The following IL1RAPL2 variants were observed in gnomAD, a reference collection of about 807,000 sequenced individuals.
IL1RAPL2 encodes X-linked interleukin-1 receptor accessory protein-like 2.
IL1RAPL2 carries 3 observed loss-of-function variants against 44.1 expected under a neutral mutation model. That is an observed-to-expected ratio of 0.07 (90% CI 0.03 to 0.18). IL1RAPL2 has a LOEUF of 0.18. Ranked by LOEUF, IL1RAPL2 falls within the 10% of genes least tolerant of loss-of-function variation. The pLI, the probability that IL1RAPL2 is intolerant of heterozygous loss-of-function variation, is 1.00. For missense variants in IL1RAPL2, 391 were observed against 496.4 expected, an observed-to-expected ratio of 0.79 and a Z score of 2.02; for synonymous variants, 181 against 178.8, an observed-to-expected ratio of 1.01 and a Z score of -0.10.
intron 6 of IL1RAPL2, among the ~76,000 whole-genome samples, chrX:105,706,838 C>A (rs752359284): frequency 3.5e-4 from 39 of 111,418 alleles, no homozygotes; most frequent in African/African-American, 1.1e-3. Flanking sequence ...TTGCTAACTG[C>A]AATAATTAGC....
At chrX:104,808,787 T>C (rs1932943728) in intron 2 of IL1RAPL2, among the ~76,000 whole-genome samples, 1 of 111,129 alleles carries the variant, frequency 9.0e-6, no homozygotes, top group Admixed American at 9.6e-5. Context: ...GAAGAGTAGT[T>C]TGGATTAGTT....
At chrX:105,187,160 A>G (rs2033595806) in intron 2 of IL1RAPL2, among the ~76,000 whole-genome samples, 1 of 112,221 alleles carries the variant, frequency 8.9e-6, no homozygotes, top group African/African-American at 3.2e-5. Flanking sequence ...AGAAATGCAC[A>G]TAAAAAACTT....
chrX:104,849,355 A>AATATATATATATATATATATAT lies in IL1RAPL2; in HGVS notation c.82+190372_82+190373insATATATATATATATATATATAT, dbSNP rs375364495. ...GTGAGCCACCATGCTTGAACTATAT[A>AATATATATATATATATATATAT]ATATATATATATGGATTACTTACGG... On this transcript the variant is annotated intron_variant, in intron 2 of 10. Transcript: ENST00000372582. 4.5e-4 allele frequency among the ~76,000 whole-genome samples: 31 copies of AATATATATATATATATATATAT among 68,684 alleles called. 4 individuals are homozygous for AATATATATATATATATATATAT. The highest frequency in any genetic ancestry group is 7.9e-4 in the African/African-American group (15 of 18,894). 59.6% of individuals were successfully genotyped at this position (68,684 alleles called of 115,157 possible).
chrX:104,743,419 C>T (rs1390482687), intron 2 of IL1RAPL2, among the ~76,000 whole-genome samples: 1 of 109,120 alleles, frequency 9.2e-6, no homozygotes, highest in Non-Finnish European at 1.9e-5. Flanking sequence ...GAATTTACCT[C>T]CCTGTGATTG....
chrX:105,000,331 T>C (rs889878932), intron 2 of IL1RAPL2, among the ~76,000 whole-genome samples: 1 of 111,816 alleles, frequency 8.9e-6, no homozygotes, highest in African/African-American at 3.2e-5. Context: ...TTGAGGTTAG[T>C]GACTTAACAG....
intron 5 of IL1RAPL2, among the ~76,000 whole-genome samples, chrX:105,446,420 C>T (rs1338420252): frequency 9.0e-6 from 1 of 111,069 alleles, no homozygotes; most frequent in African/African-American, 3.3e-5. Context: ...AGGACTTATT[C>T]CTCCCATTTT....
intron 4 of IL1RAPL2, among the ~76,000 whole-genome samples, chrX:105,248,115 T>A (rs7064331): frequency 0.14 from 15,464 of 110,297 alleles, 2,058 homozygotes; most frequent in African/African-American, 0.42. Context: ...ATTTATGCAT[T>A]TTTTTTCTAT....
At chrX:104,720,004 A>T (rs1192870362) in intron 2 of IL1RAPL2, among the ~76,000 whole-genome samples, 9 of 111,548 alleles carry the variant, frequency 8.1e-5, no homozygotes, top group Non-Finnish European at 1.9e-5. Context: ...TGTGGAGAAT[A>T]AATATGTTGT....
chrX:105,294,680 G>T (rs764078280), intron 5 of IL1RAPL2, among the ~76,000 whole-genome samples: 1 of 112,169 alleles, frequency 8.9e-6, no homozygotes, highest in Admixed American at 9.5e-5. Flanking sequence ...TACTAAGTGC[G>T]TACTATGTAC....
Position 105,173,727 on chromosome X carries a change from T to G in IL1RAPL2, c.83-21748T>G, listed in dbSNP as rs368587222. Among the ~76,000 whole-genome samples the G allele has an allele frequency of 6.4e-3, 676 of 106,050 alleles. 5 individuals are homozygous for G. The highest frequency in any genetic ancestry group is 0.023 in the African/African-American group (610 of 26,798). 92.1% of individuals were successfully genotyped at this position (106,050 alleles called of 115,157 possible). On this transcript the variant is annotated intron_variant, in intron 2 of 10. Coordinates refer to ENST00000372582, the MANE Select transcript of IL1RAPL2 (RefSeq NM_017416.2). Reference sequence around the variant, plus strand: ...TATACCTAGAGTTCTAACTGCTGCTTCTTTTTTTTTTTTTTTCTTGTTTGA... The same window carrying G: ...TATACCTAGAGTTCTAACTGCTGCTGCTTTTTTTTTTTTTTTCTTGTTTGA...
intron 1 of IL1RAPL2, among the ~76,000 whole-genome samples, chrX:104,648,744 A>T (rs1371705359): frequency 1.8e-5 from 2 of 111,633 alleles, no homozygotes; most frequent in Non-Finnish European, 3.8e-5. Flanking sequence ...CTTAATGGTC[A>T]GAACTCAAGA....
intron 2 of IL1RAPL2, among the ~76,000 whole-genome samples, chrX:105,035,030 A>C (rs899979258): frequency 3.8e-5 from 4 of 104,248 alleles, no homozygotes; most frequent in Non-Finnish European, 5.9e-5. Flanking sequence ...GGGCATAGGG[A>C]CCCTCCAAGC....
At chrX:105,088,773 T>C (rs1333131963) in intron 2 of IL1RAPL2, among the ~76,000 whole-genome samples, 1 of 111,322 alleles carries the variant, frequency 9.0e-6, no homozygotes, top group Non-Finnish European at 1.9e-5. Context: ...ATAAAGTAGG[T>C]AATAAAAAAA....
At chrX:104,904,910 C>G (rs1474996939) in intron 2 of IL1RAPL2, among the ~76,000 whole-genome samples, 108 of 111,142 alleles carry the variant, frequency 9.7e-4, no homozygotes, top group South Asian at 1.6e-3. Context: ...CTAGTTTACA[C>G]TCCCACCAAC....
intron 5 of IL1RAPL2, among the ~76,000 whole-genome samples, chrX:105,434,237 A>G (rs1159247636): frequency 8.9e-6 from 1 of 112,231 alleles, no homozygotes; most frequent in Non-Finnish European, 1.9e-5. Flanking sequence ...AAGTGCTGAC[A>G]AGGATGTGAA....
intron 6 of IL1RAPL2, among the ~76,000 whole-genome samples, chrX:105,685,250 A>G (rs58227379): frequency 0.014 from 1,605 of 111,716 alleles, 29 homozygotes; most frequent in African/African-American, 0.049. Flanking sequence ...GGTAATAACA[A>G]ACATCTCCAA....
intron 5 of IL1RAPL2, among the ~76,000 whole-genome samples, chrX:105,371,115 T>C (rs2035336092): frequency 1.8e-5 from 2 of 112,479 alleles, no homozygotes; most frequent in Non-Finnish European, 3.7e-5. Context: ...AAGTTCTTTA[T>C]AGATTCTGGA....
chrX:105,363,037 T>G (rs762172276), intron 5 of IL1RAPL2, among the ~76,000 whole-genome samples: 20 of 108,180 alleles, frequency 1.8e-4, no homozygotes, highest in African/African-American at 6.3e-4. Flanking sequence ...TCCTTTACCC[T>G]CTGGTAACCA....
At chrX:105,731,711 C>T (rs759120002) in intron 7 of IL1RAPL2, among the ~76,000 whole-genome samples, 2 of 110,959 alleles carry the variant, frequency 1.8e-5, no homozygotes, top group East Asian at 5.7e-4. Context: ...AAGCCCTGTA[C>T]TCACTTATAT....
Sources: allele counts gnomAD v4.1 joint callset (sites outside exome capture counted in the v4.1 genomes callset), GRCh38; gene constraint gnomAD v4.1.1; transcripts MANE v1.5; gene names NCBI Gene and HGNC (gene_info 2026-07-23, HGNC 2026-07-21).